The following SPOCK1 variants were observed in gnomAD, a reference collection of about 807,000 sequenced individuals.
The protein encoded by SPOCK1 is testican-1.
SPOCK1 carries 23 observed loss-of-function variants against 55.3 expected under a neutral mutation model. The ratio of observed to expected loss-of-function variants is 0.42; its 90% CI spans 0.30 to 0.59. The LOEUF is 0.59. Among genes scored for constraint, SPOCK1 ranks in the 20% least tolerant of loss-of-function variants. The probability of loss-of-function intolerance (pLI) is 0.22; values close to 1 mark genes in which losing one functional copy is unlikely to be tolerated. For missense variants in SPOCK1, 499 were observed against 552.5 expected, an observed-to-expected ratio of 0.90 and a Z score of 0.97; for synonymous variants, 226 against 221.0, an observed-to-expected ratio of 1.02 and a Z score of -0.20.
At chr5:137,088,492 TA>T (rs1048929338) in intron 5 of SPOCK1, among the ~76,000 whole-genome samples, 3 of 152,128 alleles carry the variant, frequency 2.0e-5, no homozygotes, top group Non-Finnish European at 4.4e-5. Context: ...TAAAGAAAGA[TA>T]AAAAAGAACA....
intron 6 of SPOCK1, among the ~76,000 whole-genome samples, chr5:137,043,028 T>G (rs1752030577): frequency 6.6e-6 from 1 of 152,122 alleles, no homozygotes; most frequent in Non-Finnish European, 1.5e-5. Context: ...TTTGTGGAAG[T>G]TGCTGATTCT....
chr5:137,028,388 A>G (rs972471832), intron 6 of SPOCK1, among the ~76,000 whole-genome samples: 1 of 152,220 alleles, frequency 6.6e-6, no homozygotes, highest in Non-Finnish European at 1.5e-5. Flanking sequence ...TTCACTGGAA[A>G]AAGGTATTAT....
intron 6 of SPOCK1, among the ~76,000 whole-genome samples, chr5:137,059,473 C>A (rs1483070537): frequency 6.6e-6 from 1 of 151,950 alleles, no homozygotes; most frequent in Non-Finnish European, 1.5e-5. Context: ...GACTTAAATG[C>A]GAAACCTAAA....
intron 3 of SPOCK1, among the ~76,000 whole-genome samples, chr5:137,242,042 T>C (rs745907261): frequency 6.6e-6 from 1 of 152,178 alleles, no homozygotes. Flanking sequence ...TAACAGAGGA[T>C]AGGTTGAATA....
intron 3 of SPOCK1, among the ~76,000 whole-genome samples, chr5:137,227,613 A>C: frequency 6.6e-6 from 1 of 152,212 alleles, no homozygotes; most frequent in East Asian, 1.9e-4. Flanking sequence ...GAAAAGAACA[A>C]AGCTTCCTAC....
intron 4 of SPOCK1, among the ~76,000 whole-genome samples, chr5:137,117,260 T>C (rs1002213644): frequency 2.6e-5 from 4 of 152,242 alleles, no homozygotes; most frequent in Admixed American, 6.5e-5. Context: ...TCTATAGGAC[T>C]GGACAATTAT....
intron 6 of SPOCK1, among the ~76,000 whole-genome samples, chr5:136,997,641 A>G (rs974744290): frequency 2.0e-5 from 3 of 152,104 alleles, no homozygotes; most frequent in Non-Finnish European, 4.4e-5. Context: ...CCCCTCCGAC[A>G]TGCTCTTCTA....
At chr5:137,211,288 G>A (rs1755610503) in intron 3 of SPOCK1, among the ~76,000 whole-genome samples, 1 of 152,174 alleles carries the variant, frequency 6.6e-6, no homozygotes, top group Admixed American at 6.5e-5. Context: ...CCCACTAGCT[G>A]TGTGACCTTG....
chr5:137,127,023 T>C (rs1753793806), intron 4 of SPOCK1, among the ~76,000 whole-genome samples: 1 of 152,178 alleles, frequency 6.6e-6, no homozygotes, highest in Non-Finnish European at 1.5e-5. Context: ...CCTATTCATA[T>C]TGTAAAGAAT....
intron 2 of SPOCK1, among the ~76,000 whole-genome samples, chr5:137,322,650 CA>C (rs979367877): frequency 6.8e-6 from 1 of 147,248 alleles, no homozygotes; most frequent in Admixed American, 6.8e-5. Flanking sequence ...CATGTAACCA[CA>C]AAAAACCTAC....
chr5:137,177,068 T>C (rs1170583897), intron 3 of SPOCK1, among the ~76,000 whole-genome samples: 2 of 151,930 alleles, frequency 1.3e-5, no homozygotes, highest in Non-Finnish European at 2.9e-5. Flanking sequence ...CAGGAGTAAA[T>C]CCCTAGACAC....
intron 2 of SPOCK1, among the ~76,000 whole-genome samples, chr5:137,453,968 C>T (rs1397901357): frequency 1.3e-5 from 2 of 151,958 alleles, no homozygotes; most frequent in African/African-American, 2.4e-5. Flanking sequence ...CAAATGCATG[C>T]CATGCTCCCT....
At chr5:137,356,824 T>G (rs564869645) in intron 2 of SPOCK1, among the ~76,000 whole-genome samples, 34 of 19,740 alleles carry the variant, frequency 1.7e-3, no homozygotes, top group African/African-American at 3.4e-3. Flanking sequence ...TATATATATA[T>G]ATATATATAT....
At chr5:137,452,282 C>A (rs745635816) in intron 2 of SPOCK1, among the ~76,000 whole-genome samples, 2 of 152,118 alleles carry the variant, frequency 1.3e-5, no homozygotes, top group Non-Finnish European at 2.9e-5. Flanking sequence ...ATTAGATGAG[C>A]TTTTTTGCCA....
At chr5:137,064,487 G>T (rs895728366) in intron 6 of SPOCK1, among the ~76,000 whole-genome samples, 1 of 152,088 alleles carries the variant, frequency 6.6e-6, no homozygotes, top group Non-Finnish European at 1.5e-5. Context: ...TCCTCCTACG[G>T]TCCAGAGCCA....
chr5:137,126,045 A>G (rs1043978344), intron 4 of SPOCK1, among the ~76,000 whole-genome samples: 2 of 152,222 alleles, frequency 1.3e-5, no homozygotes, highest in Admixed American at 6.5e-5. Flanking sequence ...TTTGATCCCC[A>G]GTGTTGCAGG....
intron 2 of SPOCK1, among the ~76,000 whole-genome samples, chr5:137,269,683 G>A (rs1756922293): frequency 1.3e-5 from 2 of 152,156 alleles, no homozygotes; most frequent in Admixed American, 1.3e-4. Flanking sequence ...ATTCTGGTGA[G>A]GCACAGTCAA....
intron 3 of SPOCK1, among the ~76,000 whole-genome samples, chr5:137,196,257 C>A (rs1408589814): frequency 6.6e-6 from 1 of 152,194 alleles, no homozygotes; most frequent in Non-Finnish European, 1.5e-5. Flanking sequence ...AGACTCCAAA[C>A]CCCAGCTCTC....
intron 6 of SPOCK1, among the ~76,000 whole-genome samples, chr5:137,014,478 C>T (rs1221651852): frequency 1.3e-5 from 2 of 152,186 alleles, no homozygotes; most frequent in Admixed American, 6.5e-5. Context: ...TATATCCTTG[C>T]TAGTCCAAGA....
Sources: allele counts gnomAD v4.1 joint callset (sites outside exome capture counted in the v4.1 genomes callset), GRCh38; gene constraint gnomAD v4.1.1; transcripts MANE v1.5; gene names NCBI Gene and HGNC (gene_info 2026-07-23, HGNC 2026-07-21).